Variants in MECOM observed in about 807,000 individuals in gnomAD.
MECOM encodes MDS1 and EVI1 complex locus, also known as histone-lysine N-methyltransferase MECOM.
Under a neutral mutation model 116.3 loss-of-function variants are expected in MECOM, and 13 were observed. The observed-to-expected ratio is 0.11, with a 90% CI of 0.07 to 0.18. The LOEUF (loss-of-function observed/expected upper bound fraction) is 0.18. Among genes scored for constraint, MECOM ranks in the 10% least tolerant of loss-of-function variants. The pLI is 1.00. For synonymous variants in MECOM, 528 were observed against 535.2 expected, an observed-to-expected ratio of 0.99 and a Z score of 0.19; for missense variants, 1,299 against 1,509.0, an observed-to-expected ratio of 0.86 and a Z score of 2.31.
intron 2 of MECOM, among the ~76,000 whole-genome samples, chr3:169,337,398 C>T (rs1048178865): frequency 6.6e-6 from 1 of 152,116 alleles, no homozygotes; most frequent in Admixed American, 6.6e-5. Flanking sequence ...GAAGAGATTT[C>T]AATTTATTGA....
chr3:169,524,034 G>GAATA (rs1427511996), intron 1 of MECOM, among the ~76,000 whole-genome samples: 3 of 107,036 alleles, frequency 2.8e-5, no homozygotes, highest in South Asian at 5.9e-4. Context: ...GTATGTATAT[G>GAATA]AATAAATATA....
intron 2 of MECOM, among the ~76,000 whole-genome samples, chr3:169,302,382 C>T (rs1334854201): frequency 1.3e-5 from 2 of 152,138 alleles, no homozygotes; most frequent in Non-Finnish European, 2.9e-5. Context: ...GAGTTTGTTT[C>T]CCATGGCCCA....
rs976955942 is a variant in MECOM at position 169,663,674 on chromosome 3, T to A, written c.-302A>T. On this transcript the variant is annotated 5_prime_UTR_variant, in exon 1 of 17. In the 5' UTR this introduces an upstream ATG that the reference lacks. Coordinates refer to ENST00000651503, the MANE Select transcript of MECOM (RefSeq NM_004991.4). The stretch of plus-strand genomic sequence containing the variant: ...CTCCAGCATTGTCAGTTTGGACACC[T>A]TCGCACATGCGCGCTAGACGCCCCT... The A allele has an allele frequency of 3.8e-5, 15 of 394,638 alleles. No homozygotes were observed. The Admixed American group carries it at 5.6e-4, about 15-fold the overall frequency. The allele number at this position is 394,638 out of a possible 1,614,324, so 24.4% of individuals were successfully genotyped here. A position where few individuals can be genotyped will look rare whatever the true frequency, so the allele number is the denominator to read the frequency against.
chr3:169,427,800 G>T (rs1360257829), intron 1 of MECOM, among the ~76,000 whole-genome samples: 1 of 152,178 alleles, frequency 6.6e-6, no homozygotes, highest in Non-Finnish European at 1.5e-5. Flanking sequence ...TAGCTAAGTG[G>T]TAACTAGAGA....
chr3:169,649,139 A>G (rs560398356), intron 1 of MECOM, among the ~76,000 whole-genome samples: 52 of 152,194 alleles, frequency 3.4e-4, no homozygotes, highest in Non-Finnish European at 3.8e-4. Context: ...TTCCCTAACA[A>G]CAGACAAATG....
At chr3:169,123,200 C>T (rs1482714009) in intron 5 of MECOM, among the ~76,000 whole-genome samples, 9 of 151,068 alleles carry the variant, frequency 6.0e-5, no homozygotes, top group Admixed American at 5.9e-4. Flanking sequence ...AACACTCAAA[C>T]AGAAAATGCT....
intron 1 of MECOM, among the ~76,000 whole-genome samples, chr3:169,510,025 G>A (rs1755770460): frequency 6.6e-6 from 1 of 152,238 alleles, no homozygotes; most frequent in Non-Finnish European, 1.5e-5. Flanking sequence ...TCAATTACAT[G>A]TTAAACCAAA....
At chr3:169,454,462 T>C (rs1746149961) in intron 1 of MECOM, among the ~76,000 whole-genome samples, 1 of 151,950 alleles carries the variant, frequency 6.6e-6, no homozygotes, top group Non-Finnish European at 1.5e-5. Flanking sequence ...AGGCCATTTC[T>C]GCTAAGAATC....
chr3:169,504,926 C>T (rs1755013244), intron 1 of MECOM, among the ~76,000 whole-genome samples: 1 of 152,138 alleles, frequency 6.6e-6, no homozygotes, highest in South Asian at 2.1e-4. Context: ...TGGCTGATTG[C>T]ATCTGCATTT....
At chr3:169,400,828 A>T (rs1735774310) in intron 1 of MECOM, among the ~76,000 whole-genome samples, 1 of 152,226 alleles carries the variant, frequency 6.6e-6, no homozygotes, top group African/African-American at 2.4e-5. Flanking sequence ...TCCTTTTCAG[A>T]TATCCAGAAA....
chr3:169,646,657 A>C (rs1356884951), intron 1 of MECOM, among the ~76,000 whole-genome samples: 1 of 152,172 alleles, frequency 6.6e-6, no homozygotes, highest in Non-Finnish European at 1.5e-5. Flanking sequence ...CAAAAAAAAA[A>C]AATTAGAAAG....
At chr3:169,626,411 C>T (rs533872822) in intron 1 of MECOM, among the ~76,000 whole-genome samples, 1 of 152,342 alleles carries the variant, frequency 6.6e-6, no homozygotes, top group South Asian at 2.1e-4. Context: ...CTTTAAGATA[C>T]ATTTGCCCTC....
chr3:169,570,868 C>T (rs920145301), intron 1 of MECOM, among the ~76,000 whole-genome samples: 2 of 152,110 alleles, frequency 1.3e-5, no homozygotes. Flanking sequence ...TATGACAAAC[C>T]CACAGTCTAC....
chr3:169,430,533 T>C (rs1448830176), intron 1 of MECOM, among the ~76,000 whole-genome samples: 1 of 152,212 alleles, frequency 6.6e-6, no homozygotes. Flanking sequence ...AATTCCTGTA[T>C]TTCATAATTG....
intron 2 of MECOM, among the ~76,000 whole-genome samples, chr3:169,265,225 G>A (rs774412963): frequency 6.6e-6 from 1 of 152,052 alleles, no homozygotes; most frequent in Non-Finnish European, 1.5e-5. Context: ...TGTCCACATA[G>A]GTCATGTTGT....
chr3:169,255,941 C>T (rs1240864130), intron 2 of MECOM, among the ~76,000 whole-genome samples: 1 of 152,092 alleles, frequency 6.6e-6, no homozygotes, highest in Admixed American at 6.6e-5. Flanking sequence ...ATAGATGAAA[C>T]ATGCCTGTAC....
Position 169,116,343 on chromosome 3 carries a change from G to C in MECOM, c.1529C>G (p.Ser510Cys). 6.2e-7 allele frequency: 1 copy of C among 1,614,174 alleles called. No homozygotes were observed. The highest frequency in any genetic ancestry group is 8.5e-7 in the Non-Finnish European group (1 of 1,180,046). ...AGTACTTGATAGTCCTTTAACAGGA[G>C]AACTAGCAGGTATCAAAGGAGGCCT... The part of the protein sequence containing the change: ...YHRPPLIPAS[S>C]PVKGLSSTEQ... Residue 510 changes from serine (S) to cysteine (C), a missense_variant, in exon 8 of 17, where the codon TCT (serine) becomes TGT (cysteine). By Grantham distance (112) the Ser-to-Cys change is moderately radical (BLOSUM62 -1). Around this residue, in one of 6 missense-constraint regions of MECOM, gnomAD observed 238 missense variants for 273.1 expected, o/e 0.87. Transcript: ENST00000651503.
intron 15 of MECOM, 64 bp downstream of exon 15, chr3:169,089,936 G>T: frequency 2.0e-6 from 3 of 1,526,916 alleles, no homozygotes; most frequent in Non-Finnish European, 2.6e-6. Context: ...CTTATCACAG[G>T]AGGAATTGCA....
At chr3:169,549,626 G>C (rs550943153) in intron 1 of MECOM, among the ~76,000 whole-genome samples, 1 of 152,166 alleles carries the variant, frequency 6.6e-6, no homozygotes, top group Non-Finnish European at 1.5e-5. Context: ...CTGTGTCCTC[G>C]ATTCTTCATC....
Sources: allele counts gnomAD v4.1 joint callset (sites outside exome capture counted in the v4.1 genomes callset), GRCh38; gene constraint gnomAD v4.1.1; regional missense constraint gnomAD v4.1.1; transcripts MANE v1.5; gene names NCBI Gene and HGNC (gene_info 2026-07-23, HGNC 2026-07-21).